Variants in PAPPA2 observed in about 807,000 individuals in gnomAD.
PAPPA2 encodes pappalysin-2.
PAPPA2 carries 86 observed loss-of-function variants against 176.4 expected under a neutral mutation model. The observed-to-expected ratio is 0.49, with a 90% CI of 0.41 to 0.58. The LOEUF (loss-of-function observed/expected upper bound fraction) is 0.58. PAPPA2 is among the 20% of genes least tolerant of loss of function. The probability of loss-of-function intolerance (pLI) is 0.00; values close to 1 mark genes in which losing one functional copy is unlikely to be tolerated. For missense variants in PAPPA2, 2,073 were observed against 2,256.9 expected (o/e 0.92, Z 1.65); for synonymous variants, 809 against 852.2 (o/e 0.95, Z 0.88).
At chr1:176,684,068 G>A (rs1007247925) in intron 4 of PAPPA2, among the ~76,000 whole-genome samples, 1 of 152,136 alleles carries the variant, frequency 6.6e-6, no homozygotes, top group East Asian at 1.9e-4. Context: ...GCTAAACCAT[G>A]GATGGAATCG....
chr1:176,681,697 C>A (rs1321555181), intron 4 of PAPPA2, among the ~76,000 whole-genome samples: 2 of 152,142 alleles, frequency 1.3e-5, no homozygotes, highest in African/African-American at 2.4e-5. Context: ...CACACCACAT[C>A]TCCAATATAT....
At chr1:176,580,964 C>A (rs985945157) in intron 2 of PAPPA2, among the ~76,000 whole-genome samples, 3 of 152,212 alleles carry the variant, frequency 2.0e-5, no homozygotes, top group African/African-American at 4.8e-5. Context: ...TTTTGCTGTG[C>A]AAAAGCTTTT....
intron 1 of PAPPA2, among the ~76,000 whole-genome samples, chr1:176,544,124 A>T (rs1650501041): frequency 6.6e-6 from 1 of 152,154 alleles, no homozygotes; most frequent in African/African-American, 2.4e-5. Context: ...TTTCATGGGG[A>T]TATCCAGAGC....
chr1:176,789,750 G>A (rs1183803990), intron 17 of PAPPA2, 59 bp from the exon 18 acceptor site: 30 of 1,539,598 alleles, frequency 1.9e-5, no homozygotes, highest in Middle Eastern at 1.8e-4. Flanking sequence ...TGAGGATCAA[G>A]TCTTTCATGA....
intron 21 of PAPPA2, among the ~76,000 whole-genome samples, chr1:176,801,479 C>T (rs969992938): frequency 6.6e-6 from 1 of 152,090 alleles, no homozygotes; most frequent in African/African-American, 2.4e-5. Flanking sequence ...ACCAATAAAA[C>T]AGCACTCTGC....
intron 17 of PAPPA2, among the ~76,000 whole-genome samples, chr1:176,781,624 T>C (rs1054671521): frequency 6.6e-6 from 1 of 151,974 alleles, no homozygotes; most frequent in Non-Finnish European, 1.5e-5. Context: ...AAAACTGGCA[T>C]GGGGTTTGGA....
chr1:176,758,691 A>C (rs1224404393), intron 14 of PAPPA2, among the ~76,000 whole-genome samples: 1 of 152,212 alleles, frequency 6.6e-6, no homozygotes, highest in Non-Finnish European at 1.5e-5. Context: ...CAAGGGTGGC[A>C]CTTCTTGGAT....
chr1:176,600,285 A>G (rs1427774632), intron 3 of PAPPA2, among the ~76,000 whole-genome samples: 1 of 152,144 alleles, frequency 6.6e-6, no homozygotes, highest in Non-Finnish European at 1.5e-5. Context: ...TGATTCATAG[A>G]GATATAGATC....
At chr1:176,660,350 G>T (rs1407270774) in intron 3 of PAPPA2, among the ~76,000 whole-genome samples, 1 of 151,298 alleles carries the variant, frequency 6.6e-6, no homozygotes, top group Non-Finnish European at 1.5e-5. Flanking sequence ...GTGTGTGTGT[G>T]TGTGTGTGTG....
chr1:176,672,437 A>G (rs911081360), intron 4 of PAPPA2, among the ~76,000 whole-genome samples: 4 of 152,206 alleles, frequency 2.6e-5, no homozygotes, highest in African/African-American at 7.2e-5. Context: ...ATAATGCTGT[A>G]TATGTCAAGC....
At chr1:176,711,778 CCTTA>C (rs1436598341) in intron 11 of PAPPA2, 53 bp from the exon 12 acceptor site, 26 of 1,534,806 alleles carry the variant, frequency 1.7e-5, no homozygotes, top group Non-Finnish European at 2.3e-5. Flanking sequence ...GTTTCATTGT[CCTTA>C]CTTATATCTT....
chr1:176,631,375 C>T (rs1331472138), intron 3 of PAPPA2, among the ~76,000 whole-genome samples: 1 of 152,002 alleles, frequency 6.6e-6, no homozygotes, highest in Admixed American at 6.6e-5. Flanking sequence ...TTTCTTAAAG[C>T]TGGGGAGAAT....
chr1:176,641,741 A>G (rs1009097033), intron 3 of PAPPA2, among the ~76,000 whole-genome samples: 7 of 151,944 alleles, frequency 4.6e-5, no homozygotes, highest in African/African-American at 1.7e-4. Context: ...TTTGACCATG[A>G]AATCCCTTTT....
At chr1:176,580,359 A>T (rs950746221) in intron 2 of PAPPA2, among the ~76,000 whole-genome samples, 5 of 152,176 alleles carry the variant, frequency 3.3e-5, no homozygotes, top group Non-Finnish European at 7.4e-5. Context: ...TTTATGGCTG[A>T]ATAATATTAA....
chr1:176,670,983 G>GTGAAGGAGC lies in PAPPA2; in HGVS notation c.2014_2022dup (p.Leu672_Glu674dup). The GTGAAGGAGC allele has an allele frequency of 6.2e-7, 1 of 1,613,838 alleles. No individual in the cohort carries two copies. The highest frequency in any genetic ancestry group is 8.5e-7 in the Non-Finnish European group (1 of 1,179,816). On this transcript the variant is annotated inframe_insertion, in exon 4 of 23. Transcript: ENST00000367662. Reference sequence around the variant, plus strand: ...CATGCTCTCTAGGGCATACATGAGTGTGAAGGAGCTGAAGGAGGCCCTGCA... The same window carrying GTGAAGGAGC: ...CATGCTCTCTAGGGCATACATGAGTGTGAAGGAGCTGAAGGAGCTGAAGGAGGCCCTGCA...
chr1:176,752,112 T>C lies in PAPPA2; in HGVS notation c.4151+11916T>C, dbSNP rs1663203936. 2.2e-5 allele frequency among the ~76,000 whole-genome samples: 3 copies of C among 133,708 alleles called. No individual in the cohort carries two copies. In the Admixed American group the frequency reaches 2.4e-4, roughly 11 times the overall value. The allele number at this position is 133,708 out of a possible 152,430, so 87.7% of individuals were successfully genotyped here. ...CAAGAACAAAAAATCAAACACCGCATATTCTCACTCATAGGTGGGAATTGA... is the reference window on the plus strand; with the variant it reads ...CAAGAACAAAAAATCAAACACCGCACATTCTCACTCATAGGTGGGAATTGA... On this transcript the variant is annotated intron_variant, in intron 14 of 22. Transcript: ENST00000367662.
chr1:176,832,003 T>C (rs747695685), intron 21 of PAPPA2, among the ~76,000 whole-genome samples: 36 of 152,184 alleles, frequency 2.4e-4, no homozygotes, highest in Non-Finnish European at 4.7e-4. Flanking sequence ...CTCTCAGGGA[T>C]GGAGCATGCC....
intron 1 of PAPPA2, among the ~76,000 whole-genome samples, chr1:176,541,266 T>A (rs1209886903): frequency 1.3e-5 from 2 of 152,244 alleles, no homozygotes; most frequent in Non-Finnish European, 1.5e-5. Flanking sequence ...TTCCACATGA[T>A]TTCTCCACTT....
At chr1:176,804,866 G>A (rs1470233357) in intron 21 of PAPPA2, among the ~76,000 whole-genome samples, 1 of 152,118 alleles carries the variant, frequency 6.6e-6, no homozygotes, top group Non-Finnish European at 1.5e-5. Flanking sequence ...AATATTTTAT[G>A]ATAACTGTAT....
Sources: gnomAD v4.1 joint callset for allele counts (sites outside exome capture counted in the v4.1 genomes callset) on GRCh38, gnomAD v4.1.1 for gene constraint, MANE v1.5 for transcripts, NCBI Gene and HGNC (gene_info 2026-07-23, HGNC 2026-07-21) for gene names.